HECW2: variants seen among roughly 807,000 people sequenced by gnomAD.
HECW2 encodes HECT, C2 and WW domain containing E3 ubiquitin protein ligase 2, also known as E3 ubiquitin-protein ligase HECW2.
Under a neutral mutation model 175.2 loss-of-function variants are expected in HECW2, and 61 were observed. The observed-to-expected ratio is 0.35, with a 90% CI of 0.28 to 0.43. The LOEUF (loss-of-function observed/expected upper bound fraction) is 0.43. Ranked by LOEUF, HECW2 falls within the 20% of genes least tolerant of loss-of-function variation. The pLI is 1.00. For missense variants in HECW2, 1,524 were observed against 2,000.5 expected, an observed-to-expected ratio of 0.76 and a Z score of 4.54; for synonymous variants, 671 against 731.0, an observed-to-expected ratio of 0.92 and a Z score of 1.32.
chr2:196,347,394 T>C (rs183481093), intron 2 of HECW2, among the ~76,000 whole-genome samples: 4 of 152,156 alleles, frequency 2.6e-5, no homozygotes, highest in Admixed American at 2.6e-4. Flanking sequence ...AAATACAAAA[T>C]AGAGATGAGG....
intron 19 of HECW2, among the ~76,000 whole-genome samples, chr2:196,247,464 G>C (rs1001545951): frequency 6.6e-6 from 1 of 152,110 alleles, no homozygotes; most frequent in African/African-American, 2.4e-5. Context: ...TGTAGACAGA[G>C]GAATTTTATG....
At chr2:196,234,319 G>T (rs1172049418) in intron 21 of HECW2, among the ~76,000 whole-genome samples, 4 of 150,108 alleles carry the variant, frequency 2.7e-5, no homozygotes, top group Non-Finnish European at 5.9e-5. Flanking sequence ...ACAGGGTTTT[G>T]CTCTGTCACC....
At chr2:196,366,360 ATCT>A (rs1447069435) in intron 2 of HECW2, among the ~76,000 whole-genome samples, 1 of 152,200 alleles carries the variant, frequency 6.6e-6, no homozygotes, top group Non-Finnish European at 1.5e-5. Context: ...TGATTTCCTC[ATCT>A]TCGGTGGACA....
chr2:196,235,238 C>T (rs1324019632), intron 21 of HECW2, among the ~76,000 whole-genome samples: 5 of 151,788 alleles, frequency 3.3e-5, no homozygotes, highest in Non-Finnish European at 7.4e-5. Context: ...GCTGGGAGTA[C>T]AGGCACTCAC....
Position 196,343,697 on chromosome 2 carries a change from T to C in HECW2, c.360A>G (p.Gln120=), listed in dbSNP as rs772427398. Reference sequence around the variant, plus strand: ...GCCCAGGCTCAATTCTCCATACAATTTGCCCTTTTTGTGTTCCAGTCACAC... The same window carrying C: ...GCCCAGGCTCAATTCTCCATACAATCTGCCCTTTTTGTGTTCCAGTCACAC... The part of the protein sequence containing the change: ...NRGVTGTQKG[Q]IVWRIEPGPY... The change falls in exon 3 of 29, where the codon CAA becomes CAG. Residue 120 remains glutamine, a synonymous_variant. Coordinates refer to ENST00000644978, the MANE Select transcript of HECW2 (RefSeq NM_001348768.2). The C allele has an allele frequency of 4.1e-5, 66 of 1,613,734 alleles. No homozygotes were observed. Among genetic ancestry groups the C allele is most frequent in the Admixed American group, 2.0e-4 (12 of 60,000 alleles).
chr2:196,573,248 CAAA>C (rs113834036), intron 1 of HECW2, among the ~76,000 whole-genome samples: 2 of 77,046 alleles, frequency 2.6e-5, no homozygotes, highest in Admixed American at 2.9e-4. Flanking sequence ...GAATGCTGAC[CAAA>C]AAAAAAAAAA....
rs578013308 is a variant in HECW2, at chr2:196,320,488, C to A, written c.885-49G>T. ...TCATCCTGACTACGCTGGAGTCAGC[C>A]TTCGCCGTCTTTCCACAGGCCACCC... On this transcript the variant is annotated intron_variant, in intron 7 of 28. Coordinates refer to ENST00000644978, the MANE Select transcript of HECW2 (RefSeq NM_001348768.2). 1.4e-4 allele frequency: 174 copies of A among 1,225,392 alleles called. 2 individuals are homozygous for A. The South Asian group carries it at 2.1e-3, about 15-fold the overall frequency. The allele number at this position is 1,225,392 out of a possible 1,614,324, so 75.9% of individuals were successfully genotyped here.
At chr2:196,435,762 C>G (rs1695849903) in intron 1 of HECW2, among the ~76,000 whole-genome samples, 1 of 152,182 alleles carries the variant, frequency 6.6e-6, no homozygotes, top group African/African-American at 2.4e-5. Flanking sequence ...CTCTCTGTCC[C>G]TCTGTTTCCC....
chr2:196,518,602 C>G (rs1295890569), intron 1 of HECW2, among the ~76,000 whole-genome samples: 2 of 141,740 alleles, frequency 1.4e-5, no homozygotes, highest in Non-Finnish European at 3.0e-5. Flanking sequence ...TTGCAGCGAG[C>G]TGAGATTGCG....
At chr2:196,302,433 T>A (rs1366657181) in intron 13 of HECW2, among the ~76,000 whole-genome samples, 2 of 152,188 alleles carry the variant, frequency 1.3e-5, no homozygotes, top group Admixed American at 6.5e-5. Flanking sequence ...TTTAAAATAG[T>A]TTTTTCTAAT....
chr2:196,408,956 G>C (rs1003686331), intron 2 of HECW2, among the ~76,000 whole-genome samples: 1 of 152,170 alleles, frequency 6.6e-6, no homozygotes. Context: ...AAAAGAACAA[G>C]CATACAGGAG....
At chr2:196,407,177 T>A (rs1694987555) in intron 2 of HECW2, among the ~76,000 whole-genome samples, 1 of 152,006 alleles carries the variant, frequency 6.6e-6, no homozygotes, top group South Asian at 2.1e-4. Context: ...AATAATATAC[T>A]TAGGTTTATG....
chr2:196,562,635 C>A (rs13382247), intron 1 of HECW2, among the ~76,000 whole-genome samples: 1 of 152,174 alleles, frequency 6.6e-6, no homozygotes, highest in Admixed American at 6.5e-5. Context: ...AGGGACAGAG[C>A]AGAAATACAT....
In HECW2 at chr2:196,448,192, G is replaced by A. The variant is rs181822897; in HGVS notation, c.-35-14734C>T. On this transcript the variant is annotated intron_variant, in intron 1 of 28. Coordinates refer to ENST00000644978, the MANE Select transcript of HECW2 (RefSeq NM_001348768.2). ...TTCCCATCATTTGAACTTTTGTCAG[G>A]ATCAAGCCCTTTGTCTCCCTATTTA... Among the ~76,000 whole-genome samples the A allele has an allele frequency of 2.1e-3, 318 of 152,220 alleles. 1 individual carries two copies. Among genetic ancestry groups the A allele is most frequent in the Admixed American group, 4.0e-3 (61 of 15,288 alleles).
chr2:196,244,478 C>T (rs891181315), intron 19 of HECW2, among the ~76,000 whole-genome samples: 2 of 152,166 alleles, frequency 1.3e-5, no homozygotes, highest in Non-Finnish European at 2.9e-5. Flanking sequence ...GGGGATCCAG[C>T]GGGCAGCTGC....
At chr2:196,284,489 C>T (rs1223381686) in intron 14 of HECW2, among the ~76,000 whole-genome samples, 1 of 152,212 alleles carries the variant, frequency 6.6e-6, no homozygotes, top group Non-Finnish European at 1.5e-5. Context: ...TGAGTTTTGG[C>T]TCTGCTCTGG....
Position 196,196,303 on chromosome 2 carries a change from A to T in HECW2, c.*4974T>A, listed in dbSNP as rs1270075231. Reference sequence around the variant, plus strand: ...TAGCTGGCCTTAAGCCACAATTCAGAAAGCTTTAATGTCTTCAGCATTCCT... The same window carrying T: ...TAGCTGGCCTTAAGCCACAATTCAGTAAGCTTTAATGTCTTCAGCATTCCT... On this transcript the variant is annotated 3_prime_UTR_variant, in exon 29 of 29. Transcript: ENST00000644978. 6.6e-6 allele frequency: 1 copy of T among 152,228 alleles called. No individual in the cohort carries two copies. The highest frequency in any genetic ancestry group is 1.9e-4 in the East Asian group (1 of 5,204). 9.4% of individuals were successfully genotyped at this position (152,228 alleles called of 1,614,324 possible).
chr2:196,298,861 G>C (rs1690919315), intron 13 of HECW2, among the ~76,000 whole-genome samples: 1 of 152,154 alleles, frequency 6.6e-6, no homozygotes, highest in Non-Finnish European at 1.5e-5. Flanking sequence ...GTAACTGAAA[G>C]AGGTATAGAT....
chr2:196,529,577 T>C (rs1211269589), intron 1 of HECW2, among the ~76,000 whole-genome samples: 1 of 152,180 alleles, frequency 6.6e-6, no homozygotes, highest in Non-Finnish European at 1.5e-5. Flanking sequence ...TACATAAATA[T>C]TACATTGTTA....
Sources: gnomAD v4.1 joint callset for allele counts (sites outside exome capture counted in the v4.1 genomes callset) on GRCh38, gnomAD v4.1.1 for gene constraint, MANE v1.5 for transcripts, NCBI Gene and HGNC (gene_info 2026-07-23, HGNC 2026-07-21) for gene names.